The following GLMN variants were observed in gnomAD, a reference collection of about 807,000 sequenced individuals.
GLMN encodes the protein glomulin, FKBP associated protein, also known as glomulin.
In GLMN, 75 loss-of-function variants were observed where a neutral mutation model predicts 87.8. That is an observed-to-expected ratio of 0.85 (90% CI 0.71 to 1.04). GLMN has a LOEUF of 1.04. Among genes scored for constraint, GLMN ranks in the 50% least tolerant of loss-of-function variants. The pLI is 0.00. For synonymous variants in GLMN, 206 were observed against 221.6 expected (o/e 0.93, Z 0.63); for missense variants, 588 against 658.8 (o/e 0.89, Z 1.18).
intron 6 of GLMN, among the ~76,000 whole-genome samples, chr1:92,288,685 T>A (rs1649057582): frequency 6.6e-6 from 1 of 152,140 alleles, no homozygotes; most frequent in African/African-American, 2.4e-5. Flanking sequence ...CACTTCAGTC[T>A]CCCAAAGTGA....
At chr1:92,356,892 G>A in the GLMN span, among the ~76,000 whole-genome samples, 2 of 151,802 alleles carry the variant, frequency 1.3e-5, no homozygotes, top group Non-Finnish European at 2.9e-5. Context: ...GTTAAAGTAT[G>A]TCTCTCCTAA....
intron 7 of GLMN, among the ~76,000 whole-genome samples, chr1:92,284,732 G>A (rs190232263): frequency 1.5e-3 from 231 of 151,752 alleles, no homozygotes; most frequent in African/African-American, 5.3e-3. Flanking sequence ...TCTCACAAAG[G>A]GCTAATATCC....
the GLMN span, among the ~76,000 whole-genome samples, chr1:92,338,681 TGCTCAG>T: frequency 5.8e-3 from 877 of 151,444 alleles, 5 homozygotes; most frequent in African/African-American, 0.019. Flanking sequence ...GACAGGGTCT[TGCTCAG>T]TTGCCCAGGC....
the GLMN span, among the ~76,000 whole-genome samples, chr1:92,338,648 A>ATTT: frequency 7.0e-6 from 1 of 142,688 alleles, no homozygotes; most frequent in Non-Finnish European, 1.5e-5. Context: ...CTGATCATTG[A>ATTT]TTTTTTTTTT....
the GLMN span, among the ~76,000 whole-genome samples, chr1:92,348,710 T>A: frequency 5.3e-5 from 8 of 152,218 alleles, no homozygotes; most frequent in Non-Finnish European, 1.2e-4. Context: ...GTCACCTTTT[T>A]ATAGCAAATA....
intron 16 of GLMN, among the ~76,000 whole-genome samples, chr1:92,260,927 AC>A (rs1192099768): frequency 5.3e-5 from 8 of 152,162 alleles, no homozygotes; most frequent in Non-Finnish European, 8.8e-5. Context: ...CTAAGCAGAG[AC>A]CAATCTGCTG....
the GLMN span, among the ~76,000 whole-genome samples, chr1:92,313,443 C>CTTTT: frequency 6.9e-6 from 1 of 145,042 alleles, no homozygotes; most frequent in Non-Finnish European, 1.5e-5. Context: ...GGAAAGGAAT[C>CTTTT]TTTTTTTTTT....
At chr1:92,345,988 C>A in the GLMN span, 1 of 1,068,644 alleles carries the variant, frequency 9.4e-7, no homozygotes. Context: ...CAAAGTGATC[C>A]ACTGATTTTG....
the GLMN span, chr1:92,324,032 A>C: frequency 6.2e-7 from 1 of 1,613,950 alleles, no homozygotes; most frequent in South Asian, 1.1e-5. Flanking sequence ...AAAGTTTTGA[A>C]GGAGACTTTG....
chr1:92,297,610 T>C, intron 2 of GLMN, 81 bp from the exon 3 acceptor site: 1 of 1,204,098 alleles, frequency 8.3e-7, no homozygotes, highest in Admixed American at 2.1e-5. Flanking sequence ...ACTTCTTGAT[T>C]TATCTATGAA....
the GLMN span, chr1:92,336,468 A>C: frequency 1.5e-6 from 2 of 1,376,084 alleles, no homozygotes; most frequent in Non-Finnish European, 2.1e-6. Flanking sequence ...AATTATTTTG[A>C]CTTTATTTAT....
At chr1:92,298,142 TTTG>T (rs577533494) in intron 1 of GLMN, 113 bp from the exon 2 acceptor site, 275 of 623,892 alleles carry the variant, frequency 4.4e-4, no homozygotes, top group Non-Finnish European at 5.4e-4. Context: ...ATGGAAAGTT[TTTG>T]TTGTTGTGTT....
intron 13 of GLMN, among the ~76,000 whole-genome samples, chr1:92,265,658 A>G (rs1467177962): frequency 1.3e-5 from 2 of 152,130 alleles, no homozygotes; most frequent in Non-Finnish European, 2.9e-5. Context: ...AGTCCCAGCT[A>G]CCTGGGAGGC....
chr1:92,298,327 A>C (rs769763626), intron 1 of GLMN, among the ~76,000 whole-genome samples: 6 of 149,868 alleles, frequency 4.0e-5, no homozygotes, highest in Non-Finnish European at 8.8e-5. Flanking sequence ...GGAAAAAAAA[A>C]CAAAAAAAAC....
intron 16 of GLMN, among the ~76,000 whole-genome samples, chr1:92,258,695 T>C (rs902165174): frequency 1.3e-5 from 2 of 151,406 alleles, no homozygotes; most frequent in African/African-American, 2.4e-5. Flanking sequence ...TAAGTAGGAG[T>C]TGAACAATTT....
chr1:92,281,432 C>A (rs994693726), intron 7 of GLMN, among the ~76,000 whole-genome samples: 2 of 152,094 alleles, frequency 1.3e-5, no homozygotes, highest in African/African-American at 4.8e-5. Context: ...AGATTTTTGT[C>A]ACCACCAGGC....
chr1:92,313,036 T>C, the GLMN span, among the ~76,000 whole-genome samples: 1 of 152,286 alleles, frequency 6.6e-6, no homozygotes, highest in South Asian at 2.1e-4. Context: ...CGGCTTATTT[T>C]TGTATTTTTA....
chr1:92,346,186 C>G, the GLMN span, among the ~76,000 whole-genome samples: 1 of 147,500 alleles, frequency 6.8e-6, no homozygotes, highest in Non-Finnish European at 1.5e-5. Flanking sequence ...TTTTTTGAGA[C>G]AGGGTCTCGC....
At chr1:92,322,760 C>T in the GLMN span, among the ~76,000 whole-genome samples, 1 of 151,378 alleles carries the variant, frequency 6.6e-6, no homozygotes, top group Non-Finnish European at 1.5e-5. Context: ...ACGTGTAATC[C>T]CAGCTACTTG....
Sources: gnomAD v4.1 joint callset for allele counts (sites outside exome capture counted in the v4.1 genomes callset) on GRCh38, gnomAD v4.1.1 for gene constraint, MANE v1.5 for transcripts, NCBI Gene and HGNC (gene_info 2026-07-23, HGNC 2026-07-21) for gene names.